ELAVL4: variants seen among roughly 807,000 people sequenced by gnomAD.
ELAVL4 encodes the protein ELAV-like protein 4.
In ELAVL4, 1 loss-of-function variant was observed where a neutral mutation model predicts 35.6. The observed-to-expected ratio is 0.03, with a 90% CI of 0.01 to 0.13. The LOEUF is 0.13. Among genes scored for constraint, ELAVL4 ranks in the 10% least tolerant of loss-of-function variants. ELAVL4 has a pLI of 1.00. For missense variants in ELAVL4, 267 were observed against 464.9 expected (o/e 0.57, Z 3.91); for synonymous variants, 156 against 171.0 (o/e 0.91, Z 0.69).
intron 1 of ELAVL4, among the ~76,000 whole-genome samples, chr1:50,075,364 A>G (rs1177688539): frequency 1.3e-5 from 2 of 152,214 alleles, no homozygotes; most frequent in Non-Finnish European, 2.9e-5. Flanking sequence ...AAGTTAAAGG[A>G]ATTTTAAAGT....
intron 3 of ELAVL4, among the ~76,000 whole-genome samples, chr1:50,188,921 A>G (rs1682246031): frequency 6.6e-6 from 1 of 152,184 alleles, no homozygotes; most frequent in Non-Finnish European, 1.5e-5. Flanking sequence ...CCCTGTTGGA[A>G]GCAGCCCTCT....
At chr1:50,053,420 T>C (rs1357681576) in intron 1 of ELAVL4, among the ~76,000 whole-genome samples, 4 of 152,130 alleles carry the variant, frequency 2.6e-5, no homozygotes, top group Non-Finnish European at 4.4e-5. Flanking sequence ...ATGGTCACAG[T>C]TCACTGTAGC....
chr1:50,129,249 A>C (rs1670459911), intron 1 of ELAVL4, among the ~76,000 whole-genome samples: 1 of 152,054 alleles, frequency 6.6e-6, no homozygotes, highest in Non-Finnish European at 1.5e-5. Context: ...CTGGAAGTGC[A>C]TTCTGTCAGT....
At chr1:50,197,524 A>AT (rs575024053) in intron 6 of ELAVL4, 57 bp downstream of exon 6, 34,065 of 1,105,486 alleles carry the variant, frequency 0.031, no homozygotes, top group South Asian at 0.039. Context: ...TGGGGCTAGA[A>AT]TTTTTTTTTT....
intron 1 of ELAVL4, among the ~76,000 whole-genome samples, chr1:50,073,954 G>A (rs1200689953): frequency 6.6e-6 from 1 of 152,228 alleles, no homozygotes; most frequent in African/African-American, 2.4e-5. Context: ...GAATGAGACT[G>A]TGAACTGGTA....
intron 1 of ELAVL4, among the ~76,000 whole-genome samples, chr1:50,086,250 A>G (rs1391228370): frequency 6.6e-6 from 1 of 151,174 alleles, no homozygotes; most frequent in Non-Finnish European, 1.5e-5. Flanking sequence ...TTTTTTTCCT[A>G]GTTATTTTAT....
intron 2 of ELAVL4, among the ~76,000 whole-genome samples, chr1:50,165,640 A>G (rs1199904912): frequency 6.7e-6 from 1 of 148,160 alleles, no homozygotes; most frequent in Non-Finnish European, 1.5e-5. Flanking sequence ...ATATATGTAT[A>G]TAGGTATATA....
chr1:50,144,812 A>C, intron 1 of ELAVL4, 145 bp from the exon 2 acceptor site: 1 of 1,232,410 alleles, frequency 8.1e-7, no homozygotes, highest in Non-Finnish European at 1.2e-6. Context: ...CATGCTTCTA[A>C]ATTGGCTGTG....
At chr1:50,117,285 G>A (rs958895632) in intron 1 of ELAVL4, among the ~76,000 whole-genome samples, 7 of 152,086 alleles carry the variant, frequency 4.6e-5, no homozygotes, top group Non-Finnish European at 8.8e-5. Flanking sequence ...ATATTGACCT[G>A]TACACACGTA....
chr1:50,073,136 A>G (rs1478381774), intron 1 of ELAVL4, among the ~76,000 whole-genome samples: 2 of 152,202 alleles, frequency 1.3e-5, no homozygotes, highest in African/African-American at 4.8e-5. Context: ...CTTTGCACAG[A>G]CACACAGTCT....
chr1:50,091,634 C>T (rs531462879), intron 1 of ELAVL4, among the ~76,000 whole-genome samples: 1 of 152,288 alleles, frequency 6.6e-6, no homozygotes, highest in African/African-American at 2.4e-5. Context: ...TTTAAAAAGG[C>T]ACAGCCATGT....
At chr1:50,103,165 G>A (rs546302882), upstream of ELAVL4, among the ~76,000 whole-genome samples, 42 of 152,350 alleles carry the variant, frequency 2.8e-4, no homozygotes, top group Admixed American at 2.4e-3. Flanking sequence ...CTGCACAGGT[G>A]AACTCTTGGC....
In ELAVL4 at chr1:50,201,285, CT is replaced by C. The variant is rs1159070641; in HGVS notation, c.*109del. The C allele has an allele frequency of 7.5e-7, 1 of 1,326,080 alleles. No homozygotes were observed. The highest frequency in any genetic ancestry group is 2.6e-5 in the East Asian group (1 of 37,824). The allele number at this position is 1,326,080 out of a possible 1,614,324, so 82.1% of individuals were successfully genotyped here. On this transcript the variant is annotated 3_prime_UTR_variant, in exon 7 of 7. Transcript: ENST00000371824. This position sits in a 1 kb window ranked among gnomAD's most constrained non-coding sequence, Gnocchi z 4.3. ...AGAGAGAGAAACAAACTTTTCAAGG[CT>C]TATATTCAACCATGGACTTTATAAG... is the stretch of plus-strand genomic sequence containing the variant.
chr1:50,131,421 A>G (rs1670831417), intron 1 of ELAVL4, among the ~76,000 whole-genome samples: 1 of 152,202 alleles, frequency 6.6e-6, no homozygotes, highest in Admixed American at 6.5e-5. Flanking sequence ...TAACTTATTT[A>G]TTCTCTTATA....
At chr1:50,068,095 G>A (rs1379920140) in intron 1 of ELAVL4, among the ~76,000 whole-genome samples, 1 of 152,090 alleles carries the variant, frequency 6.6e-6, no homozygotes, top group African/African-American at 2.4e-5. Flanking sequence ...CCACTAAACA[G>A]ACAAAATAAT....
At chr1:50,101,014 A>G (rs919719333), upstream of ELAVL4, among the ~76,000 whole-genome samples, 2 of 150,250 alleles carry the variant, frequency 1.3e-5, no homozygotes, top group Admixed American at 6.6e-5. Flanking sequence ...GCAACAAACT[A>G]TAAGTGAAGT....
chr1:50,108,616 T>G (rs1451232442), upstream of ELAVL4, among the ~76,000 whole-genome samples: 1 of 151,998 alleles, frequency 6.6e-6, no homozygotes, highest in Non-Finnish European at 1.5e-5. Context: ...TTAGTTTAGG[T>G]TTGCAAGCCT....
intron 1 of ELAVL4, among the ~76,000 whole-genome samples, chr1:50,067,908 A>G (rs1209748620): frequency 6.6e-6 from 1 of 152,048 alleles, no homozygotes; most frequent in African/African-American, 2.4e-5. Flanking sequence ...AAACCATCAA[A>G]TCTCCTGAGA....
At chr1:50,091,448 T>C (rs1665489467) in intron 1 of ELAVL4, among the ~76,000 whole-genome samples, 1 of 152,216 alleles carries the variant, frequency 6.6e-6, no homozygotes, top group African/African-American at 2.4e-5. Context: ...ACTCCCATTC[T>C]GTCGATGGTG....
Sources: gnomAD v4.1 joint callset for allele counts (sites outside exome capture counted in the v4.1 genomes callset) on GRCh38, gnomAD v4.1.1 for gene constraint, Gnocchi (gnomAD v3.1) non-coding constraint, MANE v1.5 for transcripts, NCBI Gene and HGNC (gene_info 2026-07-23, HGNC 2026-07-21) for gene names.